Variants in CCDC102A observed in about 807,000 individuals in gnomAD.
The protein encoded by CCDC102A is coiled-coil domain containing 102A.
Under a neutral mutation model 55.5 loss-of-function variants are expected in CCDC102A, and 40 were observed. That is an observed-to-expected ratio of 0.72 (90% CI 0.56 to 0.94). The LOEUF is 0.94. CCDC102A is among the 40% of genes least tolerant of loss of function. CCDC102A has a pLI of 0.00. For synonymous variants in CCDC102A, 323 were observed against 339.0 expected (o/e 0.95, Z 0.52); for missense variants, 779 against 768.6 (o/e 1.01, Z -0.16).
At chr16:57,527,767 A>G (rs2032166517) in intron 2 of CCDC102A, among the ~76,000 whole-genome samples, 1 of 152,098 alleles carries the variant, frequency 6.6e-6, no homozygotes, top group African/African-American at 2.4e-5. Context: ...CATGGAGCAA[A>G]TATCTTAGAG....
Position 57,512,194 on chromosome 16 carries a change from A to G in CCDC102A, c.*547T>C, listed in dbSNP as rs1201136744. On this transcript the variant is annotated 3_prime_UTR_variant, in exon 9 of 9. Coordinates refer to ENST00000258214, the MANE Select transcript of CCDC102A (RefSeq NM_033212.4). ...CATTCTTTCTTCTTCACATTCACTC[A>G]TTTATTAAGTTACTTGACATTCCTG... is the stretch of plus-strand genomic sequence containing the variant. 8.1e-6 allele frequency: 3 copies of G among 372,044 alleles called. No homozygotes were observed. The highest frequency in any genetic ancestry group is 4.2e-5 in the African/African-American group (2 of 47,852). 23.0% of individuals were successfully genotyped at this position (372,044 alleles called of 1,614,324 possible). A position where few individuals can be genotyped will look rare whatever the true frequency, so the allele number is the denominator to read the frequency against.
At chr16:57,521,408 T>C (rs2032049788) in intron 3 of CCDC102A, among the ~76,000 whole-genome samples, 1 of 152,056 alleles carries the variant, frequency 6.6e-6, no homozygotes, top group Admixed American at 6.6e-5. Flanking sequence ...TGTGGGGAGG[T>C]GGTCGGGGTT....
At chr16:57,522,638 T>G (rs2032070586) in intron 3 of CCDC102A, among the ~76,000 whole-genome samples, 1 of 152,234 alleles carries the variant, frequency 6.6e-6, no homozygotes, top group Non-Finnish European at 1.5e-5. Flanking sequence ...TGTCTTTGAG[T>G]TGCTAAGTCT....
chr16:57,523,753 C>G (rs2032089340), intron 3 of CCDC102A, among the ~76,000 whole-genome samples: 1 of 152,028 alleles, frequency 6.6e-6, no homozygotes, highest in South Asian at 2.1e-4. Flanking sequence ...CGAGACCAGC[C>G]TGGCCAACAT....
chr16:57,533,788 A>G (rs1167337151), intron 1 of CCDC102A, among the ~76,000 whole-genome samples: 1 of 152,168 alleles, frequency 6.6e-6, no homozygotes, highest in African/African-American at 2.4e-5. Flanking sequence ...GCACACACTC[A>G]CTGAGGGGCA....
At chr16:57,535,971 A>C (rs958996196) in intron 1 of CCDC102A, among the ~76,000 whole-genome samples, 14 of 151,974 alleles carry the variant, frequency 9.2e-5, no homozygotes, top group Non-Finnish European at 2.1e-4. Context: ...GACCCCTCCC[A>C]AGCCGCTGGC....
rs79928291 is a variant in CCDC102A, at chr16:57,529,061, C to T, written c.117G>A (p.Pro39=). ...PERMGPADSL[P]PTPPSGTPSP... ...AGGGCGTGCCGCTGGGCGGCGTGGG[C>T]GGCAAGGAGTCGGCAGGCCCCATGC... is the stretch of plus-strand genomic sequence containing the variant. Residue 39 remains proline (P), a synonymous_variant, in exon 2 of 9, where the codon CCG becomes CCA. Coordinates refer to ENST00000258214, the MANE Select transcript of CCDC102A (RefSeq NM_033212.4). This position sits in a 1 kb window ranked among gnomAD's most constrained non-coding sequence, Gnocchi z 4.1. 22,037 of 1,145,846 alleles carry T rather than the reference C, an allele frequency of 0.019. 242 individuals are homozygous for T. Among genetic ancestry groups the T allele is most frequent in the Middle Eastern group, 0.022 (61 of 2,760 alleles). The allele number at this position is 1,145,846 out of a possible 1,614,324, so 71.0% of individuals were successfully genotyped here.
chr16:57,529,092 G>A lies in CCDC102A; in HGVS notation c.86C>T (p.Pro29Leu), dbSNP rs2146713803. ...GGAGTCGGCAGGCCCCATGCGCTCC[G>A]GCGACGGGCTGCCCAGGATGGTCAG... is the stretch of plus-strand genomic sequence containing the variant. Reference protein sequence around the residue: ...SLLTILGSPSPERMGPADSLP... With the variant: ...SLLTILGSPSLERMGPADSLP... Residue 29 changes from proline (P) to leucine (L), a missense_variant, in exon 2 of 9, where the codon CCG (proline) becomes CTG (leucine). By Grantham distance (98) the Pro-to-Leu change is moderately conservative. Coordinates refer to ENST00000258214, the MANE Select transcript of CCDC102A (RefSeq NM_033212.4). This position sits in a 1 kb window ranked among gnomAD's most constrained non-coding sequence, Gnocchi z 4.1. 1 of 1,173,972 alleles carries A rather than the reference G, an allele frequency of 8.5e-7. No individual in the cohort carries two copies. The highest frequency in any genetic ancestry group is 1.1e-6 in the Non-Finnish European group (1 of 950,706). The allele number at this position is 1,173,972 out of a possible 1,614,324, so 72.7% of individuals were successfully genotyped here.
At chr16:57,532,486 G>A (rs2032284982) in intron 1 of CCDC102A, among the ~76,000 whole-genome samples, 1 of 152,136 alleles carries the variant, frequency 6.6e-6, no homozygotes, top group East Asian at 1.9e-4. Context: ...AAACATCTGT[G>A]CACACACAGA....
intron 3 of CCDC102A, among the ~76,000 whole-genome samples, chr16:57,522,637 G>A (rs1384587039): frequency 6.6e-6 from 1 of 152,238 alleles, no homozygotes; most frequent in Non-Finnish European, 1.5e-5. Flanking sequence ...GTGTCTTTGA[G>A]TTGCTAAGTC....
Position 57,529,018 on chromosome 16 carries a change from C to T in CCDC102A, c.160G>A (p.Ala54Thr). The T allele has an allele frequency of 9.1e-7, 1 of 1,101,028 alleles. No homozygotes were observed. Among genetic ancestry groups the T allele is most frequent in the Non-Finnish European group, 1.1e-6 (1 of 904,058 alleles). The allele number at this position is 1,101,028 out of a possible 1,614,324, so 68.2% of individuals were successfully genotyped here. ...GCGGGCGCGGGGGGCAGGGGCAGTG[C>T]GGGCGGCGGCCCGGGCGAGGGCGTG... is the stretch of plus-strand genomic sequence containing the variant. ...SGTPSPGPPPALPLPPAPALL... is the reference protein window; with the variant it reads ...SGTPSPGPPPTLPLPPAPALL... The change falls in exon 2 of 9, where the codon GCA becomes ACA. Residue 54 changes from alanine (A) to threonine (T), a missense_variant. Transcript: ENST00000258214. This position sits in a 1 kb window ranked among gnomAD's most constrained non-coding sequence, Gnocchi z 4.1.
In CCDC102A at chr16:57,512,611, A is replaced by G. The variant is rs1357291369; in HGVS notation, c.*130T>C. On this transcript the variant is annotated 3_prime_UTR_variant, in exon 9 of 9. Transcript: ENST00000258214. ...TGGGACTGTTGACGCCATCCCTGGG[A>G]GAGAAGAAAGTCGGCTGTGGCAGGG... The G allele has an allele frequency of 8.6e-7, 1 of 1,159,566 alleles. No homozygotes were observed. Among genetic ancestry groups the G allele is most frequent in the Non-Finnish European group, 1.2e-6 (1 of 828,242 alleles). 71.8% of individuals were successfully genotyped at this position (1,159,566 alleles called of 1,614,324 possible). A position where few individuals can be genotyped will look rare whatever the true frequency, so the allele number is the denominator to read the frequency against.
Position 57,528,599 on chromosome 16 carries a change from G to A in CCDC102A, c.579C>T (p.Gly193=). Reference sequence around the variant, plus strand: ...CCCCGCCCGCGCCGCGCACCTGGCTGCCTGGCGGCCTCTCGGACCCGACGT... The same window carrying A: ...CCCCGCCCGCGCCGCGCACCTGGCTACCTGGCGGCCTCTCGGACCCGACGT... The part of the protein sequence containing the change: ...VRDVGSERPP[G]SQELELVESL... The change falls in exon 2 of 9, where the codon GGC becomes GGT. Residue 193 remains glycine (G), a synonymous_variant. Coordinates refer to ENST00000258214, the MANE Select transcript of CCDC102A (RefSeq NM_033212.4). The A allele has an allele frequency of 7.9e-7, 1 of 1,260,778 alleles. No homozygotes were observed. The highest frequency in any genetic ancestry group is 1.0e-6 in the Non-Finnish European group (1 of 995,860). The allele number at this position is 1,260,778 out of a possible 1,614,324, so 78.1% of individuals were successfully genotyped here. A position where few individuals can be genotyped will look rare whatever the true frequency, so the allele number is the denominator to read the frequency against.
intron 8 of CCDC102A, among the ~76,000 whole-genome samples, chr16:57,514,033 C>T (rs2031911762): frequency 6.6e-6 from 1 of 152,156 alleles, no homozygotes; most frequent in Non-Finnish European, 1.5e-5. Flanking sequence ...TCCTCATCTG[C>T]CAGCCCCCTA....
intron 3 of CCDC102A, among the ~76,000 whole-genome samples, chr16:57,524,140 A>C (rs1178189775): frequency 2.6e-5 from 4 of 151,986 alleles, no homozygotes; most frequent in Non-Finnish European, 5.9e-5. Flanking sequence ...CTGCAGAAAC[A>C]TGTGTTCAGA....
At chr16:57,519,093 A>G (rs1016861732) in intron 4 of CCDC102A, among the ~76,000 whole-genome samples, 3 of 150,648 alleles carry the variant, frequency 2.0e-5, no homozygotes, top group African/African-American at 7.3e-5. Context: ...GTAAAGTCCA[A>G]CTCCTCTCTA....
In CCDC102A at chr16:57,528,754, C is replaced by G. The variant is rs781545736; in HGVS notation, c.424G>C (p.Glu142Gln). Residue 142 changes from glutamate to glutamine, a missense_variant, in exon 2 of 9, where the codon GAG (glutamate) becomes CAG (glutamine). Glu to Gln is a conservative substitution (Grantham distance 29). Transcript: ENST00000258214. ...CACTCGCCCTGCGCCTCTTGGCGCT[C>G]GCGCCGTGCGCCCGCCAGCTCCTTG... ...LTKELAGARR[E>Q]RQEAQGECEA... The G allele has an allele frequency of 1.7e-6, 2 of 1,175,774 alleles. No individual in the cohort carries two copies. Among genetic ancestry groups the G allele is most frequent in the African/African-American group, 3.4e-5 (2 of 59,504 alleles). The allele number at this position is 1,175,774 out of a possible 1,614,324, so 72.8% of individuals were successfully genotyped here. A position where few individuals can be genotyped will look rare whatever the true frequency, so the allele number is the denominator to read the frequency against.
In CCDC102A at chr16:57,528,831, T is replaced by C; in HGVS notation, c.347A>G (p.Asn116Ser). ...EKWSKVRAER[N>S]RAREEVRQLR... ...CTGGCGCACCTCCTCGCGCGCGCGG[T>C]TGCGCTCAGCGCGCACCTTGCTCCA... The change falls in exon 2 of 9, where the codon AAC becomes AGC. Residue 116 changes from asparagine (N) to serine (S), a missense_variant. By Grantham distance (46) the Asn-to-Ser change is conservative. Transcript: ENST00000258214. 2.3e-6 allele frequency: 3 copies of C among 1,288,852 alleles called. No individual in the cohort carries two copies. The highest frequency in any genetic ancestry group is 3.0e-6 in the Non-Finnish European group (3 of 1,007,202). The allele number at this position is 1,288,852 out of a possible 1,614,324, so 79.8% of individuals were successfully genotyped here. A position where few individuals can be genotyped will look rare whatever the true frequency, so the allele number is the denominator to read the frequency against.
chr16:57,514,689 C>G (rs1320046538), intron 8 of CCDC102A, among the ~76,000 whole-genome samples: 1 of 152,202 alleles, frequency 6.6e-6, no homozygotes, highest in African/African-American at 2.4e-5. Context: ...GAACCGGGCA[C>G]CCTCTATTCC....
Sources: gnomAD v4.1 joint callset for allele counts (sites outside exome capture counted in the v4.1 genomes callset) on GRCh38, gnomAD v4.1.1 for gene constraint, Gnocchi (gnomAD v3.1) non-coding constraint, MANE v1.5 for transcripts, NCBI Gene and HGNC (gene_info 2026-07-23, HGNC 2026-07-21) for gene names.